SYT9: variants seen among roughly 807,000 people sequenced by gnomAD.
SYT9 encodes the protein synaptotagmin 9, also known as synaptotagmin-9.
A neutral mutation model predicts 48.4 loss-of-function variants in SYT9; 22 were observed. The observed-to-expected ratio is 0.45, with a 90% CI of 0.32 to 0.65. The LOEUF (loss-of-function observed/expected upper bound fraction) is 0.65, where lower values mean the gene tolerates loss of function less well. Ranked by LOEUF, SYT9 falls within the 30% of genes least tolerant of loss-of-function variation. The pLI, the probability that SYT9 is intolerant of heterozygous loss-of-function variation, is 0.03. For missense variants in SYT9, 577 were observed against 622.0 expected, an observed-to-expected ratio of 0.93 and a Z score of 0.77; for synonymous variants, 265 against 245.0, an observed-to-expected ratio of 1.08 and a Z score of -0.76.
intron 2 of SYT9, among the ~76,000 whole-genome samples, chr11:7,304,162 A>G: frequency 6.6e-6 from 1 of 152,246 alleles, no homozygotes; most frequent in East Asian, 1.9e-4. Flanking sequence ...ACTGATTTGT[A>G]GGTGGTTTTA....
intron 2 of SYT9, among the ~76,000 whole-genome samples, chr11:7,309,927 C>T (rs1281534505): frequency 6.6e-6 from 1 of 152,148 alleles, no homozygotes; most frequent in Non-Finnish European, 1.5e-5. Context: ...AAGGGAGCCC[C>T]AGGAGTGAGA....
At chr11:7,415,460 C>T (rs7121062) in intron 3 of SYT9, among the ~76,000 whole-genome samples, 151,270 of 152,078 alleles carry the variant, frequency 0.99, 75,235 homozygotes, top group East Asian at 1. Flanking sequence ...TGCAGGAGTA[C>T]ACAGGGAGGA....
chr11:7,464,802 G>A (rs1001911675), intron 6 of SYT9, among the ~76,000 whole-genome samples: 1 of 152,120 alleles, frequency 6.6e-6, no homozygotes, highest in Non-Finnish European at 1.5e-5. Flanking sequence ...GCTATTCGGG[G>A]CCAGGCGCGG....
At chr11:7,266,834 G>A (rs1848193461) in intron 1 of SYT9, among the ~76,000 whole-genome samples, 1 of 152,074 alleles carries the variant, frequency 6.6e-6, no homozygotes, top group Admixed American at 6.6e-5. Flanking sequence ...AGAAAAGTGA[G>A]TAGTAAATAG....
chr11:7,276,430 A>G (rs1159476507), intron 1 of SYT9, among the ~76,000 whole-genome samples: 2 of 152,132 alleles, frequency 1.3e-5, no homozygotes, highest in African/African-American at 2.4e-5. Flanking sequence ...CTGTTTTCCT[A>G]TGTGAAACTC....
chr11:7,355,967 G>A (rs932241741), intron 3 of SYT9, among the ~76,000 whole-genome samples: 3 of 152,220 alleles, frequency 2.0e-5, no homozygotes, highest in African/African-American at 7.2e-5. Flanking sequence ...CAAAGTTGGA[G>A]CTCATGAGAT....
intron 1 of SYT9, among the ~76,000 whole-genome samples, chr11:7,272,852 AAAC>A (rs1848321847): frequency 1.3e-5 from 2 of 152,168 alleles, no homozygotes; most frequent in African/African-American, 4.8e-5. Flanking sequence ...AGTTTCTAGT[AAAC>A]AACATGTGCA....
chr11:7,308,389 T>G (rs182900905), intron 2 of SYT9, among the ~76,000 whole-genome samples: 89 of 152,292 alleles, frequency 5.8e-4, no homozygotes, highest in African/African-American at 2.1e-3. Flanking sequence ...GTTCATGGCT[T>G]CACATGAAAG....
At chr11:7,428,080 T>C (rs1344380369) in intron 6 of SYT9, 1 of 152,254 alleles carries the variant, frequency 6.6e-6, no homozygotes, top group African/African-American at 2.4e-5. Context: ...GTAGGCATTT[T>C]CTCATCTTTG....
At chr11:7,419,236 A>G (rs1284561837) in intron 5 of SYT9, among the ~76,000 whole-genome samples, 1 of 152,246 alleles carries the variant, frequency 6.6e-6, no homozygotes, top group Non-Finnish European at 1.5e-5. Flanking sequence ...AGTTTCCTGC[A>G]TGGACAAATC....
At chr11:7,462,152 T>A (rs1848248443) in intron 6 of SYT9, among the ~76,000 whole-genome samples, 1 of 152,250 alleles carries the variant, frequency 6.6e-6, no homozygotes, top group Non-Finnish European at 1.5e-5. Context: ...CTTAAGAGCA[T>A]ACATTTTAAT....
intron 2 of SYT9, 50 bp from the exon 3 acceptor site, chr11:7,313,345 C>A (rs999281002): frequency 2.0e-6 from 3 of 1,531,668 alleles, no homozygotes; most frequent in African/African-American, 1.4e-5. Flanking sequence ...TTCTGAGAGA[C>A]CCATAGCTAA....
intron 6 of SYT9, among the ~76,000 whole-genome samples, chr11:7,444,995 T>C (rs1590035820): frequency 6.6e-6 from 1 of 152,208 alleles, no homozygotes; most frequent in South Asian, 2.1e-4. Context: ...GGAGAGAGTG[T>C]GGTATTTAAA....
At chr11:7,255,787 A>G (rs2119780088) in intron 1 of SYT9, among the ~76,000 whole-genome samples, 1 of 152,276 alleles carries the variant, frequency 6.6e-6, no homozygotes, top group African/African-American at 2.4e-5. Flanking sequence ...AACTTTTTGT[A>G]ACACATTAAG....
intron 1 of SYT9, among the ~76,000 whole-genome samples, chr11:7,239,536 GA>G (rs1847718969): frequency 6.6e-6 from 1 of 152,066 alleles, no homozygotes; most frequent in African/African-American, 2.4e-5. Flanking sequence ...CAGGATCCGG[GA>G]AAAAAGTCAT....
At chr11:7,372,629 G>A (rs1178816742) in intron 3 of SYT9, among the ~76,000 whole-genome samples, 1 of 151,908 alleles carries the variant, frequency 6.6e-6, no homozygotes, top group Non-Finnish European at 1.5e-5. Context: ...CCCATTTTTA[G>A]TTGTGTTGTT....
intron 3 of SYT9, among the ~76,000 whole-genome samples, chr11:7,335,888 G>T (rs1026605081): frequency 1.3e-5 from 2 of 152,038 alleles, no homozygotes; most frequent in Non-Finnish European, 2.9e-5. Context: ...AGGTCAAATG[G>T]TAGTTCTGTT....
At chr11:7,238,889 G>A in exon 1 of SYT9, 1 of 456,040 alleles carries the variant, frequency 2.2e-6, no homozygotes, top group Non-Finnish European at 4.4e-6. Flanking sequence ...GGTGGTGGAG[G>A]GAGATTTAGC....
intron 3 of SYT9, among the ~76,000 whole-genome samples, chr11:7,365,073 A>G (rs1850215233): frequency 6.6e-6 from 1 of 152,096 alleles, no homozygotes; most frequent in Non-Finnish European, 1.5e-5. Context: ...CACCCCGCAC[A>G]TATTCTGCCT....
Sources: gnomAD v4.1 joint callset for allele counts (sites outside exome capture counted in the v4.1 genomes callset) on GRCh38, gnomAD v4.1.1 for gene constraint, MANE v1.5 for transcripts, NCBI Gene and HGNC (gene_info 2026-07-23, HGNC 2026-07-21) for gene names.